The following TASP1 variants were observed in gnomAD, a reference collection of about 807,000 sequenced individuals.
TASP1 encodes threonine aspartase 1.
A neutral mutation model predicts 56.6 loss-of-function variants in TASP1; 16 were observed. The observed-to-expected ratio is 0.28, with a 90% CI of 0.19 to 0.43. The LOEUF (loss-of-function observed/expected upper bound fraction) is 0.43, where lower values mean the gene tolerates loss of function less well. Among genes scored for constraint, TASP1 ranks in the 20% least tolerant of loss-of-function variants. TASP1 has a pLI of 1.00. For synonymous variants in TASP1, 179 were observed against 184.2 expected (o/e 0.97, Z 0.23); for missense variants, 393 against 511.6 (o/e 0.77, Z 2.24).
At chr20:13,384,529 T>A (rs569282467), downstream of TASP1, among the ~76,000 whole-genome samples, 8 of 152,336 alleles carry the variant, frequency 5.3e-5, no homozygotes, top group African/African-American at 1.4e-4. Context: ...CTGGTCAATT[T>A]GGTCAGCCTG....
chr20:13,577,061 A>G (rs1192517778), intron 6 of TASP1, among the ~76,000 whole-genome samples: 1 of 152,190 alleles, frequency 6.6e-6, no homozygotes, highest in Non-Finnish European at 1.5e-5. Flanking sequence ...ATAATATGAA[A>G]GAATACGTGG....
At chr20:13,578,704 C>T (rs891580388) in intron 6 of TASP1, among the ~76,000 whole-genome samples, 2 of 152,148 alleles carry the variant, frequency 1.3e-5, no homozygotes, top group African/African-American at 4.8e-5. Flanking sequence ...TTATTTAATA[C>T]ATCATTCTTT....
Position 13,589,460 on chromosome 20 carries a change from T to C in TASP1, c.283-2090A>G, listed in dbSNP as rs1014802520. 5.3e-5 allele frequency among the ~76,000 whole-genome samples: 8 copies of C among 152,226 alleles called. No individual in the cohort carries two copies. The East Asian group carries it at 1.5e-3, about 29-fold the overall frequency. On this transcript the variant is annotated intron_variant, in intron 4 of 13. Transcript: ENST00000337743. ...TCTCACACCATGTATAAAAATTAAC[T>C]CAAAGTGGACCAAAGCCCTGTATGT...
chr20:13,577,931 G>C (rs2046982888), intron 6 of TASP1, among the ~76,000 whole-genome samples: 1 of 152,112 alleles, frequency 6.6e-6, no homozygotes, highest in African/African-American at 2.4e-5. Flanking sequence ...GGATATTTAG[G>C]TAGCTTACAT....
At chr20:13,201,094 G>A in the TASP1 span, among the ~76,000 whole-genome samples, 2 of 152,212 alleles carry the variant, frequency 1.3e-5, no homozygotes, top group African/African-American at 4.8e-5. Context: ...GGGACAAAGG[G>A]AAGGAGGGAT....
In TASP1 at chr20:13,483,245, T is replaced by C. The variant is rs765746796; in HGVS notation, c.967A>G (p.Met323Val). Residue 323 changes from methionine to valine, a missense_variant, in exon 11 of 14, where the codon ATG becomes GTG. This residue lies in a region of TASP1 where 293 missense variants were observed against 354.2 expected (regional missense o/e 0.83). Coordinates refer to ENST00000337743, the MANE Select transcript of TASP1 (RefSeq NM_017714.3). ...TACTTACTGATAAACTTGTTTTGCA[T>C]AGTCTCCAACAGGGCTTGGTGAGCA... Reference protein sequence around the residue: ...EDAHQALLETMQNKFISSPFL... With the variant: ...EDAHQALLETVQNKFISSPFL... The C allele has an allele frequency of 3.1e-6, 5 of 1,587,458 alleles. No individual in the cohort carries two copies. Among genetic ancestry groups the C allele is most frequent in the Non-Finnish European group, 4.3e-6 (5 of 1,166,868 alleles).
intron 13 of TASP1, among the ~76,000 whole-genome samples, chr20:13,407,203 C>T (rs2041957429): frequency 6.6e-6 from 1 of 152,142 alleles, no homozygotes; most frequent in Non-Finnish European, 1.5e-5. Flanking sequence ...AAATTTTCGT[C>T]ACCACTAAAA....
chr20:13,182,886 T>C, the TASP1 span, among the ~76,000 whole-genome samples: 3 of 152,208 alleles, frequency 2.0e-5, no homozygotes, highest in Admixed American at 1.3e-4. Flanking sequence ...CAACAGTTCA[T>C]TTAAGGAATT....
intron 11 of TASP1, among the ~76,000 whole-genome samples, chr20:13,441,967 A>T (rs976529709): frequency 2.5e-4 from 38 of 152,110 alleles, no homozygotes; most frequent in African/African-American, 8.9e-4. Flanking sequence ...ATAGCTCCCA[A>T]CTGCCTGTAG....
the TASP1 span, among the ~76,000 whole-genome samples, chr20:13,221,218 T>G: frequency 1.1e-5 from 1 of 94,386 alleles, no homozygotes. Flanking sequence ...GAAGCCCTCC[T>G]ACTCCTCCTC....
the TASP1 span, among the ~76,000 whole-genome samples, chr20:13,286,164 C>T: frequency 1.3e-5 from 2 of 152,138 alleles, no homozygotes; most frequent in African/African-American, 2.4e-5. Context: ...AATCTGGCCT[C>T]GGTGGTGTGT....
At chr20:13,320,830 A>G in the TASP1 span, among the ~76,000 whole-genome samples, 1 of 152,166 alleles carries the variant, frequency 6.6e-6, no homozygotes, top group Non-Finnish European at 1.5e-5. Context: ...AGTTAAAGAT[A>G]CCATTTCTTT....
At chr20:13,152,764 G>A in the TASP1 span, among the ~76,000 whole-genome samples, 1 of 152,164 alleles carries the variant, frequency 6.6e-6, no homozygotes, top group African/African-American at 2.4e-5. Context: ...TACTCAAACA[G>A]TATGGTTCTC....
intron 8 of TASP1, among the ~76,000 whole-genome samples, chr20:13,543,474 C>T (rs533390444): frequency 4.6e-5 from 7 of 152,268 alleles, no homozygotes; most frequent in South Asian, 4.2e-4. Flanking sequence ...CAATGGCATG[C>T]ACCTGTAGCC....
At chr20:13,306,498 T>C in the TASP1 span, among the ~76,000 whole-genome samples, 1 of 150,892 alleles carries the variant, frequency 6.6e-6, no homozygotes, top group African/African-American at 2.4e-5. Flanking sequence ...TTTGGTGGTG[T>C]TTTTTGTTTG....
At chr20:13,468,427 G>C (rs6131478) in intron 11 of TASP1, among the ~76,000 whole-genome samples, 24,926 of 152,106 alleles carry the variant, frequency 0.16, 2,396 homozygotes, top group Middle Eastern at 0.23. Flanking sequence ...CTTCTCTCAA[G>C]AATGTGTGGT....
intron 12 of TASP1, 36 bp from the exon 13 acceptor site, chr20:13,417,557 A>T: frequency 6.2e-7 from 1 of 1,607,424 alleles, no homozygotes; most frequent in Non-Finnish European, 8.5e-7. Context: ...GCACATTCAG[A>T]TCACAGATGG....
the TASP1 span, among the ~76,000 whole-genome samples, chr20:13,266,720 T>C: frequency 6.6e-6 from 1 of 152,218 alleles, no homozygotes; most frequent in Admixed American, 6.5e-5. Flanking sequence ...ATGCTTTCCT[T>C]AAATTCCCAG....
the TASP1 span, among the ~76,000 whole-genome samples, chr20:13,197,104 G>A: frequency 2.0e-5 from 3 of 152,200 alleles, no homozygotes; most frequent in African/African-American, 4.8e-5. Context: ...CCAGGTTAAT[G>A]AGCTAGACTA....
Sources: allele counts gnomAD v4.1 joint callset (sites outside exome capture counted in the v4.1 genomes callset), GRCh38; gene constraint gnomAD v4.1.1; regional missense constraint gnomAD v4.1.1; transcripts MANE v1.5; gene names NCBI Gene and HGNC (gene_info 2026-07-23, HGNC 2026-07-21).